The following NFIB variants were observed in gnomAD, a reference collection of about 807,000 sequenced individuals.
The protein encoded by NFIB is nuclear factor I B.
Under a neutral mutation model 61.5 loss-of-function variants are expected in NFIB, and 11 were observed. The ratio of observed to expected loss-of-function variants is 0.18; its 90% CI spans 0.11 to 0.30. NFIB has a LOEUF of 0.30. Ranked by LOEUF, NFIB falls within the 10% of genes least tolerant of loss-of-function variation. The probability of loss-of-function intolerance (pLI) is 1.00; values close to 1 mark genes in which losing one functional copy is unlikely to be tolerated. For missense variants in NFIB, 471 were observed against 608.9 expected, an observed-to-expected ratio of 0.77 and a Z score of 2.38; for synonymous variants, 260 against 216.5, an observed-to-expected ratio of 1.20 and a Z score of -1.76.
chr9:14,112,204 T>C (rs1006386045), intron 10 of NFIB, among the ~76,000 whole-genome samples: 12 of 152,224 alleles, frequency 7.9e-5, no homozygotes, highest in African/African-American at 2.9e-4. Flanking sequence ...AGCAAACATA[T>C]GCATCATAAA....
upstream of NFIB, chr9:14,314,260 G>T: frequency 1.5e-6 from 1 of 647,764 alleles, no homozygotes; most frequent in Non-Finnish European, 1.9e-6. Context: ...GGCGGAAGAG[G>T]CTCGCGGCGC....
the NFIB span, among the ~76,000 whole-genome samples, chr9:14,512,246 G>T: frequency 6.6e-6 from 1 of 152,128 alleles, no homozygotes; most frequent in Non-Finnish European, 1.5e-5. Context: ...CCAGGTACAT[G>T]TAGCTGGTGA....
At chr9:14,398,648 C>G in exon 1 of NFIB, 1 of 1,501,472 alleles carries the variant, frequency 6.7e-7, no homozygotes, top group Non-Finnish European at 8.9e-7. Flanking sequence ...AACGGATTCC[C>G]GACAAGAAGC....
At chr9:14,092,433 C>G (rs947065157) in intron 10 of NFIB, among the ~76,000 whole-genome samples, 1 of 152,030 alleles carries the variant, frequency 6.6e-6, no homozygotes, top group African/African-American at 2.4e-5. Context: ...TATGAGGAAA[C>G]TGAGGCAAGT....
At chr9:14,303,384 G>C (rs760775856) in intron 2 of NFIB, among the ~76,000 whole-genome samples, 6 of 152,154 alleles carry the variant, frequency 3.9e-5, no homozygotes, top group Non-Finnish European at 8.8e-5. Context: ...TTTTTGTTTG[G>C]TTTTGTTTTT....
intron 2 of NFIB, among the ~76,000 whole-genome samples, chr9:14,226,962 A>G (rs1033700610): frequency 6.8e-6 from 1 of 147,416 alleles, no homozygotes; most frequent in African/African-American, 2.5e-5. Flanking sequence ...TAAGATGGTG[A>G]AACTCCGTCT....
intron 2 of NFIB, among the ~76,000 whole-genome samples, chr9:14,255,931 T>C (rs13302371): frequency 0.041 from 6,293 of 152,352 alleles, 180 homozygotes; most frequent in Non-Finnish European, 0.066. Context: ...CATGCTAGCA[T>C]AGTATTAGTG....
intron 2 of NFIB, among the ~76,000 whole-genome samples, chr9:14,185,004 A>G (rs765330599): frequency 6.6e-6 from 1 of 152,190 alleles, no homozygotes; most frequent in Non-Finnish European, 1.5e-5. Context: ...ACACCTGGTA[A>G]TGTTTGGAAC....
intron 7 of NFIB, among the ~76,000 whole-genome samples, chr9:14,124,077 A>G (rs1472974415): frequency 6.6e-6 from 1 of 152,196 alleles, no homozygotes; most frequent in Non-Finnish European, 1.5e-5. Flanking sequence ...AAGGACAGAA[A>G]CGATCTTTCT....
the NFIB span, among the ~76,000 whole-genome samples, chr9:14,404,003 T>C: frequency 2.6e-5 from 4 of 152,238 alleles, no homozygotes; most frequent in African/African-American, 9.6e-5. Flanking sequence ...AATTTCAGTA[T>C]ATCCTTCTGA....
At chr9:14,113,216 G>A (rs1244999020) in intron 9 of NFIB, 135 bp from the exon 10 acceptor site, 5 of 657,854 alleles carry the variant, frequency 7.6e-6, no homozygotes, top group East Asian at 3.0e-5. Context: ...CTTCTCTTTT[G>A]TCTGAGTGAA....
upstream of NFIB, among the ~76,000 whole-genome samples, chr9:14,399,565 C>T (rs892800407): frequency 2.6e-5 from 4 of 152,004 alleles, no homozygotes; most frequent in African/African-American, 4.8e-5. Context: ...TAATTTTTAA[C>T]GTTGCAAAGA....
chr9:14,241,533 A>G (rs2054354367), intron 2 of NFIB, among the ~76,000 whole-genome samples: 1 of 152,150 alleles, frequency 6.6e-6, no homozygotes, highest in African/African-American at 2.4e-5. Flanking sequence ...AGATATTGTC[A>G]TCTTAAGTTT....
At chr9:14,190,751 A>C (rs2047859670) in intron 2 of NFIB, among the ~76,000 whole-genome samples, 2 of 152,236 alleles carry the variant, frequency 1.3e-5, no homozygotes, top group South Asian at 4.1e-4. Flanking sequence ...CCTTTTTGTA[A>C]AAAGAGAAGG....
At chr9:14,522,500 C>T in the NFIB span, among the ~76,000 whole-genome samples, 1 of 152,074 alleles carries the variant, frequency 6.6e-6, no homozygotes, top group East Asian at 1.9e-4. Context: ...CTTTTAAAGT[C>T]TTTGTTATTA....
the NFIB span, among the ~76,000 whole-genome samples, chr9:14,475,390 C>A: frequency 2.6e-5 from 4 of 152,084 alleles, no homozygotes; most frequent in Admixed American, 2.0e-4. Context: ...GGCTATGGAG[C>A]CTGTGTTTTT....
In NFIB at chr9:14,237,089, C is replaced by T. The variant is rs142759322; in HGVS notation, c.563-57309G>A. On this transcript the variant is annotated intron_variant, in intron 2 of 10. Coordinates refer to ENST00000380953, the MANE Select transcript of NFIB (RefSeq NM_001190737.2). ...TCCAGTTGAACAGTAGGGCCACTAA[C>T]CCACACAAACTAAACTGCAAAATTA... 7.2e-3 allele frequency among the ~76,000 whole-genome samples: 1,094 copies of T among 152,242 alleles called. 2 individuals are homozygous for T. The highest frequency in any genetic ancestry group is 0.015 in the Admixed American group (222 of 15,298).
the NFIB span, among the ~76,000 whole-genome samples, chr9:14,462,990 T>TTA: frequency 3.2e-4 from 49 of 152,158 alleles, 1 homozygote; most frequent in Non-Finnish European, 7.4e-5. Context: ...TGTTACAATG[T>TTA]TAATATTCAA....
At chr9:14,491,732 T>G in the NFIB span, among the ~76,000 whole-genome samples, 4 of 152,174 alleles carry the variant, frequency 2.6e-5, no homozygotes, top group African/African-American at 9.7e-5. Context: ...AATTATAAAT[T>G]CAAAGCCTCC....
Sources: gnomAD v4.1 joint callset for allele counts (sites outside exome capture counted in the v4.1 genomes callset) on GRCh38, gnomAD v4.1.1 for gene constraint, MANE v1.5 for transcripts, NCBI Gene and HGNC (gene_info 2026-07-23, HGNC 2026-07-21) for gene names.